Variants in SORD observed in about 807,000 individuals in gnomAD.
The protein encoded by SORD is (R,R)-butanediol dehydrogenase.
SORD carries 18 observed loss-of-function variants against 35.6 expected under a neutral mutation model. The observed-to-expected ratio is 0.51, with a 90% confidence interval of 0.35 to 0.75. The LOEUF (loss-of-function observed/expected upper bound fraction) is 0.75. Ranked by LOEUF, SORD falls within the 30% of genes least tolerant of loss-of-function variation. SORD has a pLI of 0.01. For missense variants in SORD, 250 were observed against 390.2 expected, an observed-to-expected ratio of 0.64 and a Z score of 3.03; for synonymous variants, 106 against 152.9, an observed-to-expected ratio of 0.69 and a Z score of 2.26.
At chr15:45,036,206 G>A (rs550332838) in intron 1 of SORD, 2 of 394,602 alleles carry the variant, frequency 5.1e-6, no homozygotes, top group Non-Finnish European at 5.0e-6. Context: ...CACTCAATGC[G>A]AGGGTCCGCA....
Position 45,023,293 on chromosome 15 carries a change from G to C in SORD, c.10G>C (p.Ala4Pro), listed in dbSNP as rs772260920. The change falls in exon 1 of 9, where the codon GCG (alanine) becomes CCG (proline). Residue 4 changes from alanine (A) to proline (P), a missense_variant. Physicochemically the swap from Ala to Pro is conservative, Grantham distance 27. Transcript: ENST00000267814. ...GAGCCAAAAGAGCTCCATGGCGGCGGCGGCCAAGCCCAACAACCTTTCCCT... is the reference window on the plus strand; with the variant it reads ...GAGCCAAAAGAGCTCCATGGCGGCGCCGGCCAAGCCCAACAACCTTTCCCT... The part of the protein sequence containing the change: MAA[A>P]AKPNNLSLVV... 6.3e-7 allele frequency: 1 copy of C among 1,585,978 alleles called. No individual in the cohort carries two copies. Among genetic ancestry groups the C allele is most frequent in the East Asian group, 2.4e-5 (1 of 42,386 alleles).
At chr15:45,055,516 A>G (rs1332270293) in intron 3 of SORD, among the ~76,000 whole-genome samples, 1 of 152,220 alleles carries the variant, frequency 6.6e-6, no homozygotes, top group Non-Finnish European at 1.5e-5. Context: ...CCAACCAAAA[A>G]GAGTCCAGGA....
In SORD at chr15:45,072,571, G is replaced by A. The variant is rs71480280; in HGVS notation, c.908+133G>A. 36,350 of 533,840 alleles carry A rather than the reference G, an allele frequency of 0.068. 2,287 individuals are homozygous for A. The highest frequency in any genetic ancestry group is 0.088 in the Non-Finnish European group (25,748 of 292,880). The allele number at this position is 533,840 out of a possible 1,614,324, so 33.1% of individuals were successfully genotyped here. A position where few individuals can be genotyped will look rare whatever the true frequency, so the allele number is the denominator to read the frequency against. On this transcript the variant is annotated intron_variant, in intron 8 of 8. Coordinates refer to ENST00000267814, the MANE Select transcript of SORD (RefSeq NM_003104.6). Reference sequence around the variant, plus strand: ...ACTCCCTGGCCACACTGATAGCTGTGTGATATAACAGGGATCCAAAGAGAG... The same window carrying A: ...ACTCCCTGGCCACACTGATAGCTGTATGATATAACAGGGATCCAAAGAGAG...
intron 1 of SORD, among the ~76,000 whole-genome samples, chr15:45,028,782 A>G (rs1892721409): frequency 1.1e-5 from 1 of 88,484 alleles, no homozygotes. Context: ...AAGCATTTTT[A>G]AATACTCTTA....
chr15:45,047,962 G>A (rs1361717730), intron 3 of SORD, among the ~76,000 whole-genome samples: 1 of 152,192 alleles, frequency 6.6e-6, no homozygotes, highest in African/African-American at 2.4e-5. Context: ...CAATACCTGT[G>A]ATATTAAAAT....
chr15:45,038,881 G>C (rs2141268271), intron 1 of SORD, among the ~76,000 whole-genome samples: 1 of 152,240 alleles, frequency 6.6e-6, no homozygotes, highest in East Asian at 1.9e-4. Context: ...GCCCAGCTCT[G>C]ACATTCTCAT....
intron 1 of SORD, among the ~76,000 whole-genome samples, chr15:45,034,635 G>C (rs1175770966): frequency 6.6e-6 from 1 of 152,248 alleles, no homozygotes; most frequent in Non-Finnish European, 1.5e-5. Flanking sequence ...AGCGGGAGCA[G>C]CTGAAGGGGA....
chr15:45,028,984 G>C (rs74011310), intron 1 of SORD, among the ~76,000 whole-genome samples: 31,862 of 150,678 alleles, frequency 0.21, 6 homozygotes, highest in African/African-American at 0.44. Context: ...AGATTAAAGG[G>C]GCTGATAGTC....
intron 1 of SORD, among the ~76,000 whole-genome samples, chr15:45,032,522 C>G (rs1013344785): frequency 1.3e-5 from 2 of 151,994 alleles, no homozygotes; most frequent in African/African-American, 4.8e-5. Flanking sequence ...CCTGCGGGAT[C>G]TGAAAGAAGG....
intron 2 of SORD, among the ~76,000 whole-genome samples, chr15:45,041,488 CA>C (rs752951472): frequency 3.3e-5 from 5 of 152,002 alleles, no homozygotes; most frequent in Non-Finnish European, 7.4e-5. Context: ...AACATCAGAT[CA>C]AAGGCGGCTT....
chr15:45,054,379 A>G (rs1893178461), intron 3 of SORD, among the ~76,000 whole-genome samples: 1 of 151,958 alleles, frequency 6.6e-6, no homozygotes, highest in South Asian at 2.1e-4. Flanking sequence ...TTTGATTTGC[A>G]TTTCTCTGAT....
intron 4 of SORD, among the ~76,000 whole-genome samples, chr15:45,063,326 T>C (rs1893352835): frequency 6.6e-6 from 1 of 152,154 alleles, no homozygotes; most frequent in Non-Finnish European, 1.5e-5. Flanking sequence ...GACTGTTCCC[T>C]GAACCCCATT....
At chr15:45,029,386 G>A (rs1423884925) in intron 1 of SORD, among the ~76,000 whole-genome samples, 1 of 117,464 alleles carries the variant, frequency 8.5e-6, no homozygotes, top group East Asian at 2.9e-4. Flanking sequence ...GGAGTACTGG[G>A]CCTACCGTGC....
intron 1 of SORD, among the ~76,000 whole-genome samples, chr15:45,039,166 T>C (rs1892923785): frequency 6.6e-6 from 1 of 151,972 alleles, no homozygotes. Flanking sequence ...TCTTACCCTG[T>C]CACGCAGGCT....
Position 45,069,048 on chromosome 15 carries a change from T to G in SORD, c.782T>G (p.Ile261Ser), listed in dbSNP as rs747978039. 2.5e-6 allele frequency: 4 copies of G among 1,608,728 alleles called. No individual in the cohort carries two copies. The Admixed American group carries it at 6.7e-5, about 27-fold the overall frequency. ...GCAGAGGCCTCCATCCAGGCGGGCA[T>G]CTACGTGAGTGGGCTGAGGGCAGCT... The part of the protein sequence containing the change: ...TGAEASIQAG[I>S]YATRSGGNLV... Residue 261 changes from isoleucine to serine, a missense_variant, in exon 7 of 9, where the codon ATC becomes AGC. Around this residue, in one of 8 missense-constraint regions of SORD, gnomAD observed 44 missense variants for 54.5 expected, o/e 0.81. Coordinates refer to ENST00000267814, the MANE Select transcript of SORD (RefSeq NM_003104.6).
chr15:45,062,016 A>G (rs1471110994), intron 4 of SORD, among the ~76,000 whole-genome samples: 4 of 151,920 alleles, frequency 2.6e-5, no homozygotes, highest in Admixed American at 2.0e-4. Flanking sequence ...TTTTGGAGAA[A>G]TTATTTCACT....
intron 4 of SORD, among the ~76,000 whole-genome samples, chr15:45,063,416 C>G (rs1893354771): frequency 6.6e-6 from 1 of 151,694 alleles, no homozygotes; most frequent in Non-Finnish European, 1.5e-5. Context: ...AACTTGGAGT[C>G]TTCTCATCCT....
At chr15:45,053,145 T>C (rs1471358316) in intron 3 of SORD, among the ~76,000 whole-genome samples, 1 of 152,188 alleles carries the variant, frequency 6.6e-6, no homozygotes, top group Non-Finnish European at 1.5e-5. Flanking sequence ...GTTACTTGCC[T>C]GAGGTTGCCG....
chr15:45,026,913 A>G (rs13380326), intron 1 of SORD, among the ~76,000 whole-genome samples: 28,076 of 144,352 alleles, frequency 0.19, 6 homozygotes, highest in African/African-American at 0.44. Flanking sequence ...CAGGAAGGAA[A>G]CCTACCACAC....
Sources: gnomAD v4.1 joint callset for allele counts (sites outside exome capture counted in the v4.1 genomes callset) on GRCh38, gnomAD v4.1.1 for gene constraint, gnomAD v4.1.1 regional missense constraint, MANE v1.5 for transcripts, NCBI Gene and HGNC (gene_info 2026-07-23, HGNC 2026-07-21) for gene names.